RUNX1T1: variants seen among roughly 807,000 people sequenced by gnomAD.
RUNX1T1 encodes the protein protein CBFA2T1.
In RUNX1T1, 4 loss-of-function variants were observed where a neutral mutation model predicts 62.8. The observed-to-expected ratio is 0.06, with a 90% CI of 0.03 to 0.15. RUNX1T1 has a LOEUF of 0.15. RUNX1T1 is among the 10% of genes least tolerant of loss of function. RUNX1T1 has a pLI of 1.00. For synonymous variants in RUNX1T1, 291 were observed against 286.0 expected (o/e 1.02, Z -0.18); for missense variants, 508 against 754.3 (o/e 0.67, Z 3.82).
intron 1 of RUNX1T1, among the ~76,000 whole-genome samples, chr8:92,047,816 C>CA (rs1254225732): frequency 6.6e-6 from 1 of 151,704 alleles, no homozygotes; most frequent in Non-Finnish European, 1.5e-5. Flanking sequence ...CAATTTGCTC[C>CA]AAAATTGCCT....
At chr8:91,979,784 T>A in intron 8 of RUNX1T1, 2 of 522,774 alleles carry the variant, frequency 3.8e-6, no homozygotes, top group Non-Finnish European at 7.4e-6. Context: ...TACGACAGGA[T>A]GGAGACCATT....
At chr8:92,048,341 G>T (rs1829727731) in intron 1 of RUNX1T1, among the ~76,000 whole-genome samples, 1 of 152,036 alleles carries the variant, frequency 6.6e-6, no homozygotes, top group Admixed American at 6.6e-5. Flanking sequence ...TATGCAACGT[G>T]ATTTGACAAT....
At chr8:91,958,500 T>C (rs1809698002), downstream of RUNX1T1, 1 of 193,390 alleles carries the variant, frequency 5.2e-6, no homozygotes, top group Admixed American at 6.1e-5. Flanking sequence ...CCTCAGCATT[T>C]GGAGCTCTAA....
intron 5 of RUNX1T1, among the ~76,000 whole-genome samples, chr8:91,997,184 A>T (rs1818870188): frequency 6.6e-6 from 1 of 152,172 alleles, no homozygotes; most frequent in Non-Finnish European, 1.5e-5. Flanking sequence ...TTTTAAGATG[A>T]TGATTAGCTA....
chr8:91,962,024 C>T (rs1810570473), intron 10 of RUNX1T1, among the ~76,000 whole-genome samples: 1 of 152,182 alleles, frequency 6.6e-6, no homozygotes, highest in Non-Finnish European at 1.5e-5. Context: ...ATACTATACT[C>T]CTAGGAAACG....
intron 1 of RUNX1T1, among the ~76,000 whole-genome samples, chr8:92,033,308 G>C (rs1236677185): frequency 6.6e-6 from 1 of 152,124 alleles, no homozygotes; most frequent in Non-Finnish European, 1.5e-5. Flanking sequence ...TACCACATGG[G>C]GGGAAGTTAC....
At chr8:92,033,933 C>T (rs1008271558) in intron 1 of RUNX1T1, among the ~76,000 whole-genome samples, 11 of 151,648 alleles carry the variant, frequency 7.3e-5, no homozygotes, top group Non-Finnish European at 1.6e-4. Flanking sequence ...TGCACCACCG[C>T]ACTCCAGCCT....
chr8:91,994,787 C>T (rs1305160378), intron 5 of RUNX1T1, among the ~76,000 whole-genome samples: 1 of 152,192 alleles, frequency 6.6e-6, no homozygotes, highest in Non-Finnish European at 1.5e-5. Flanking sequence ...CACTGGGGTT[C>T]CACCTAAGAT....
chr8:92,005,462 T>G lies in RUNX1T1; in HGVS notation c.478-165A>C. 3 of 602,120 alleles carry G rather than the reference T, an allele frequency of 5.0e-6. No individual in the cohort carries two copies. The South Asian group carries it at 6.7e-5, about 13-fold the overall frequency. 37.3% of individuals were successfully genotyped at this position (602,120 alleles called of 1,614,324 possible). ...ACAGGCACAATTCTCAGCACTGGGC[T>G]ACCATGTGCGCAGATTGCCCTAAGT... On this transcript the variant is annotated intron_variant, in intron 4 of 10. Coordinates refer to ENST00000396218, the Ensembl canonical transcript of RUNX1T1.
At chr8:92,095,752 G>A (rs951280340) in intron 1 of RUNX1T1, 4 of 429,230 alleles carry the variant, frequency 9.3e-6, no homozygotes, top group Non-Finnish European at 1.2e-5. Flanking sequence ...CTACCCTAAG[G>A]CTATCTGGGA....
exon 5 of RUNX1T1, chr8:92,005,153 C>T: frequency 1.2e-6 from 2 of 1,612,636 alleles, no homozygotes; most frequent in Non-Finnish European, 1.7e-6. Flanking sequence ...TCGTTCACAT[C>T]GAGAAGCAGC....
chr8:92,040,874 A>C (rs1331260617), intron 1 of RUNX1T1, among the ~76,000 whole-genome samples: 2 of 152,112 alleles, frequency 1.3e-5, no homozygotes, highest in Non-Finnish European at 1.5e-5. Flanking sequence ...AAAATAAAAT[A>C]ATATAAATTT....
At chr8:92,008,396 A>T (rs879672201) in intron 4 of RUNX1T1, among the ~76,000 whole-genome samples, 31,071 of 143,630 alleles carry the variant, frequency 0.22, 3,465 homozygotes, top group African/African-American at 0.27. Context: ...TCTCACACAC[A>T]CACACACACA....
intron 10 of RUNX1T1, among the ~76,000 whole-genome samples, chr8:91,962,351 A>G (rs1309080043): frequency 2.0e-5 from 3 of 152,238 alleles, no homozygotes; most frequent in Non-Finnish European, 2.9e-5. Flanking sequence ...ACTCTGGCCA[A>G]TGACAGGTGT....
rs1818588715 is a variant in RUNX1T1, at chr8:91,996,012, C to A, written c.660-4123G>T. ...CCTATATCTCATTTGCTCGGTTGAA[C>A]TCCATATTTGCATTCTTCATTGCCC... is the stretch of plus-strand genomic sequence containing the variant. On this transcript the variant is annotated intron_variant, in intron 5 of 10. Transcript: ENST00000396218. Among the ~76,000 whole-genome samples the A allele has an allele frequency of 2.0e-5, 3 of 152,106 alleles. No individual in the cohort carries two copies. In the South Asian group the frequency reaches 6.2e-4, roughly 32 times the overall value.
intron 1 of RUNX1T1, among the ~76,000 whole-genome samples, chr8:92,060,438 T>C (rs1831730337): frequency 6.7e-6 from 1 of 149,988 alleles, no homozygotes; most frequent in African/African-American, 2.5e-5. Context: ...GGATCCTCAA[T>C]TTTATAAAAA....
intron 1 of RUNX1T1, among the ~76,000 whole-genome samples, chr8:92,059,084 A>G (rs1347809935): frequency 6.6e-6 from 1 of 152,180 alleles, no homozygotes; most frequent in Non-Finnish European, 1.5e-5. Context: ...TCAGGGTTTG[A>G]AGGGAAGCTG....
At chr8:91,964,756 T>C (rs149046383) in intron 10 of RUNX1T1, among the ~76,000 whole-genome samples, 80 of 152,248 alleles carry the variant, frequency 5.3e-4, no homozygotes, top group African/African-American at 1.8e-3. Flanking sequence ...AAGAACAGGT[T>C]AGCAGGCACT....
chr8:91,998,341 G>C (rs983936077), intron 5 of RUNX1T1, among the ~76,000 whole-genome samples: 1 of 152,158 alleles, frequency 6.6e-6, no homozygotes, highest in East Asian at 1.9e-4. Context: ...CACTCTAGAG[G>C]GAGGGGGACA....
Sources: gnomAD v4.1 joint callset for allele counts (sites outside exome capture counted in the v4.1 genomes callset) on GRCh38, gnomAD v4.1.1 for gene constraint, MANE v1.5 for transcripts, NCBI Gene and HGNC (gene_info 2026-07-23, HGNC 2026-07-21) for gene names.